Variants in GAB1 observed in about 807,000 individuals in gnomAD.
GAB1 encodes GRB2 associated binding protein 1.
Under a neutral mutation model 66.5 loss-of-function variants are expected in GAB1, and 19 were observed. The ratio of observed to expected loss-of-function variants is 0.29; its 90% CI spans 0.20 to 0.42. The LOEUF is 0.42. GAB1 is among the 10% of genes least tolerant of loss of function. The pLI is 1.00. For synonymous variants in GAB1, 294 were observed against 301.4 expected, an observed-to-expected ratio of 0.98 and a Z score of 0.25; for missense variants, 732 against 858.5, an observed-to-expected ratio of 0.85 and a Z score of 1.84.
intron 7 of GAB1, 119 bp from the exon 8 acceptor site, chr4:143,460,245 A>T (rs1466298828): frequency 8.8e-6 from 8 of 907,580 alleles, no homozygotes; most frequent in Non-Finnish European, 1.4e-5. Flanking sequence ...ACAATGAATG[A>T]TTATAAACAT....
chr4:143,383,811 A>G (rs2149678803), intron 1 of GAB1, among the ~76,000 whole-genome samples: 1 of 152,328 alleles, frequency 6.6e-6, no homozygotes, highest in African/African-American at 2.4e-5. Flanking sequence ...ACAATGGCTC[A>G]CACCTGTAAT....
intron 6 of GAB1, among the ~76,000 whole-genome samples, chr4:143,448,907 G>C (rs1013396655): frequency 6.6e-6 from 1 of 151,626 alleles, no homozygotes; most frequent in Admixed American, 6.6e-5. Flanking sequence ...GATCTTTCCT[G>C]CTTTCTCTTG....
At chr4:143,406,239 C>G (rs1732035054) in intron 1 of GAB1, among the ~76,000 whole-genome samples, 1 of 152,036 alleles carries the variant, frequency 6.6e-6, no homozygotes, top group Non-Finnish European at 1.5e-5. Context: ...ATTTTGGTGC[C>G]TAGGTATTTA....
chr4:143,376,165 A>G (rs1730408691), intron 1 of GAB1, among the ~76,000 whole-genome samples: 1 of 152,176 alleles, frequency 6.6e-6, no homozygotes, highest in South Asian at 2.1e-4. Context: ...CTGCAGAACT[A>G]TAACCTAAGG....
chr4:143,400,101 T>C (rs11945731), intron 1 of GAB1, among the ~76,000 whole-genome samples: 78,235 of 151,938 alleles, frequency 0.51, 21,092 homozygotes, highest in African/African-American at 0.67. Context: ...CCACCATGCC[T>C]GGCTCATTGT....
At chr4:143,452,321 G>A (rs1403118686) in intron 6 of GAB1, among the ~76,000 whole-genome samples, 4 of 152,118 alleles carry the variant, frequency 2.6e-5, no homozygotes, top group Non-Finnish European at 5.9e-5. Flanking sequence ...AAGGGCTTTA[G>A]CTTTTAAGAG....
chr4:143,406,072 G>T (rs1340259361), intron 1 of GAB1, among the ~76,000 whole-genome samples: 1 of 152,138 alleles, frequency 6.6e-6, no homozygotes, highest in African/African-American at 2.4e-5. Context: ...CTAATCATCT[G>T]GGTTTGCCCA....
intron 1 of GAB1, among the ~76,000 whole-genome samples, chr4:143,392,444 A>T (rs1056796812): frequency 1.3e-5 from 2 of 152,148 alleles, no homozygotes; most frequent in African/African-American, 4.8e-5. Context: ...GCATTGTTGA[A>T]ATAGAGCTTT....
intron 1 of GAB1, chr4:143,391,415 A>G (rs985422474): frequency 6.6e-6 from 1 of 152,236 alleles, no homozygotes; most frequent in African/African-American, 2.4e-5. Context: ...ATGAATGCTA[A>G]TTAGCTATAT....
chr4:143,425,477 C>A, intron 2 of GAB1: 2 of 761,058 alleles, frequency 2.6e-6, no homozygotes, highest in Non-Finnish European at 2.4e-6. Context: ...ACCTACCTAC[C>A]ATTGCTCTGT....
chr4:143,381,936 A>C (rs931388169), intron 1 of GAB1: 1 of 152,158 alleles, frequency 6.6e-6, no homozygotes, highest in Non-Finnish European at 1.5e-5. Flanking sequence ...AGCATTACTG[A>C]GGTCATATAT....
chr4:143,399,312 A>G (rs948593375), intron 1 of GAB1, among the ~76,000 whole-genome samples: 1 of 152,228 alleles, frequency 6.6e-6, no homozygotes, highest in African/African-American at 2.4e-5. Flanking sequence ...CAAAAGTCCA[A>G]AGGTGCACAA....
intron 9 of GAB1, among the ~76,000 whole-genome samples, chr4:143,468,448 C>T (rs996653677): frequency 9.9e-5 from 15 of 151,192 alleles, no homozygotes; most frequent in African/African-American, 2.4e-4. Flanking sequence ...CTCCTGACCT[C>T]GTGATCCACC....
intron 1 of GAB1, chr4:143,395,599 C>A: frequency 3.9e-6 from 1 of 255,584 alleles, no homozygotes; most frequent in South Asian, 3.8e-5. Context: ...ATGCAAATAA[C>A]TCTGGAAATT....
chr4:143,408,759 A>G (rs535089452), intron 1 of GAB1, among the ~76,000 whole-genome samples: 3 of 152,232 alleles, frequency 2.0e-5, no homozygotes, highest in Non-Finnish European at 4.4e-5. Context: ...TTCTGAGAGT[A>G]TATTGAAATT....
chr4:143,403,188 T>A (rs1731863222), intron 1 of GAB1, among the ~76,000 whole-genome samples: 1 of 152,212 alleles, frequency 6.6e-6, no homozygotes, highest in Admixed American at 6.5e-5. Context: ...ACAATTTTGC[T>A]TGGAGCTCAA....
intron 3 of GAB1, 138 bp downstream of exon 3, chr4:143,433,854 C>T (rs1269090236): frequency 1.4e-6 from 1 of 702,532 alleles, no homozygotes; most frequent in Non-Finnish European, 2.4e-6. Context: ...ATGTTTCAGG[C>T]TTTATATTTC....
At chr4:143,455,792 G>A (rs1244822216) in intron 6 of GAB1, among the ~76,000 whole-genome samples, 1 of 152,188 alleles carries the variant, frequency 6.6e-6, no homozygotes. Flanking sequence ...ACAGAGTGCT[G>A]CAAGATCTCC....
intron 1 of GAB1, among the ~76,000 whole-genome samples, chr4:143,352,144 A>G (rs1412284903): frequency 3.9e-5 from 6 of 152,180 alleles, no homozygotes; most frequent in East Asian, 3.8e-4. Flanking sequence ...AGTACAGCCA[A>G]TTGTTGTCTG....
Sources: gnomAD v4.1 joint callset for allele counts (sites outside exome capture counted in the v4.1 genomes callset) on GRCh38, gnomAD v4.1.1 for gene constraint, MANE v1.5 for transcripts, NCBI Gene and HGNC (gene_info 2026-07-23, HGNC 2026-07-21) for gene names.